NT5E: variants seen among roughly 807,000 people sequenced by gnomAD.
The protein encoded by NT5E is 5'-nucleotidase ecto.
Under a neutral mutation model 55.1 loss-of-function variants are expected in NT5E, and 53 were observed. The ratio of observed to expected loss-of-function variants is 0.96; its 90% CI spans 0.77 to 1.21. The LOEUF is 1.21. Ranked by LOEUF, NT5E falls within the 50% of genes most tolerant of loss-of-function variation. The pLI is 0.00. For missense variants in NT5E, 683 were observed against 724.3 expected (o/e 0.94, Z 0.65); for synonymous variants, 270 against 278.4 (o/e 0.97, Z 0.30).
At chr6:85,473,381 T>C (rs1438682775) in intron 3 of NT5E, among the ~76,000 whole-genome samples, 3 of 152,152 alleles carry the variant, frequency 2.0e-5, no homozygotes, top group Non-Finnish European at 2.9e-5. Context: ...TGTTAGCTGT[T>C]CTTATTTTAG....
In NT5E at chr6:85,450,154, C is replaced by T. The variant is rs967242766; in HGVS notation, c.15C>T (p.Ala5=). The T allele has an allele frequency of 4.4e-6, 7 of 1,586,254 alleles. No homozygotes were observed. The highest frequency in any genetic ancestry group is 6.0e-6 in the Non-Finnish European group (7 of 1,168,890). Residue 5 remains alanine (A), a synonymous_variant, in exon 1 of 9, where the codon GCC becomes GCT. Transcript: ENST00000257770. This position sits in a 1 kb window ranked among gnomAD's most constrained non-coding sequence, Gnocchi z 4.0. MCPR[A]ARAPATLLLA... is the part of the protein sequence containing the mutation. ...GCGCCACAGCTATGTGTCCCCGAGC[C>T]GCGCGGGCGCCCGCGACGCTACTCC... is the stretch of plus-strand genomic sequence containing the variant.
At chr6:85,452,292 A>G (rs1357060027) in intron 1 of NT5E, among the ~76,000 whole-genome samples, 1 of 152,182 alleles carries the variant, frequency 6.6e-6, no homozygotes, top group African/African-American at 2.4e-5. Flanking sequence ...AATTGTGTGA[A>G]CCCTTTTTAG....
At position 85,489,225 on chromosome 6, in the gene NT5E, C is replaced by T. The variant is rs540071258; in HGVS notation, c.1105-269C>T. ...AGGCCCAGTCCCGACACCAGGGCTA[C>T]AACCGAGAGACCATTTTGCTAAGGC... On this transcript the variant is annotated intron_variant, in intron 5 of 8. Coordinates refer to ENST00000257770, the MANE Select transcript of NT5E (RefSeq NM_002526.4). Among the ~76,000 whole-genome samples the T allele has an allele frequency of 3.9e-5, 6 of 152,298 alleles. No homozygotes were observed. In the East Asian group the frequency reaches 1.2e-3, roughly 29 times the overall value.
At chr6:85,463,915 G>A (rs879361287) in intron 1 of NT5E, among the ~76,000 whole-genome samples, 2 of 152,086 alleles carry the variant, frequency 1.3e-5, no homozygotes, top group Non-Finnish European at 2.9e-5. Context: ...TAATTTCTGT[G>A]GAAAAGTTAG....
chr6:85,483,304 A>G (rs1769585775), intron 3 of NT5E, among the ~76,000 whole-genome samples: 1 of 152,242 alleles, frequency 6.6e-6, no homozygotes, highest in South Asian at 2.1e-4. Flanking sequence ...GCACCGCCCC[A>G]GCATCTATGA....
Position 85,493,994 on chromosome 6 carries a change from T to C in NT5E, c.1715T>C (p.Leu572Ser). The change falls in exon 9 of 9, where the codon TTA becomes TCA. Residue 572 changes from leucine (L) to serine (S), a missense_variant. Physicochemically the swap from Leu to Ser is moderately radical, Grantham distance 145. Coordinates refer to ENST00000257770, the MANE Select transcript of NT5E (RefSeq NM_002526.4). ...TCACTTTGGGCAGTGATCTTTGTTT[T>C]ATACCAATAGCCAAAAATTCTCCTT... Reference protein sequence around the residue: ...FLSLWAVIFVLYQ With the variant: ...FLSLWAVIFVSYQ The C allele has an allele frequency of 6.2e-7, 1 of 1,614,004 alleles. No homozygotes were observed. The highest frequency in any genetic ancestry group is 1.3e-5 in the African/African-American group (1 of 75,060).
intron 1 of NT5E, among the ~76,000 whole-genome samples, chr6:85,456,132 C>G (rs1343804050): frequency 3.9e-5 from 6 of 152,154 alleles, no homozygotes; most frequent in Non-Finnish European, 2.9e-5. Context: ...CACGATAAAC[C>G]TTCATGAAGA....
chr6:85,483,868 GA>G (rs1177105673), intron 3 of NT5E, among the ~76,000 whole-genome samples: 1 of 151,836 alleles, frequency 6.6e-6, no homozygotes, highest in African/African-American at 2.4e-5. Flanking sequence ...GACTTTAGGG[GA>G]AAAAAAATAC....
chr6:85,462,452 G>T (rs561150068), intron 1 of NT5E, among the ~76,000 whole-genome samples: 168 of 152,210 alleles, frequency 1.1e-3, no homozygotes, highest in African/African-American at 3.7e-3. Flanking sequence ...TGGATGCCAT[G>T]AGCTGCTTAT....
At chr6:85,460,261 A>G (rs2127754879) in intron 1 of NT5E, among the ~76,000 whole-genome samples, 1 of 152,296 alleles carries the variant, frequency 6.6e-6, no homozygotes, top group Middle Eastern at 3.4e-3. Context: ...GTCCCTAAGA[A>G]GAGAGAAGTC....
intron 1 of NT5E, among the ~76,000 whole-genome samples, chr6:85,463,619 A>G (rs1214199015): frequency 2.0e-5 from 3 of 152,218 alleles, no homozygotes; most frequent in African/African-American, 4.8e-5. Context: ...TCTCTGCTCT[A>G]TGTTCTTCTC....
At chr6:85,456,811 G>T (rs1000241264) in intron 1 of NT5E, among the ~76,000 whole-genome samples, 1 of 152,182 alleles carries the variant, frequency 6.6e-6, no homozygotes, top group African/African-American at 2.4e-5. Flanking sequence ...AAACGTGGGG[G>T]TGAGACTGGG....
intron 3 of NT5E, 114 bp from the exon 4 acceptor site, chr6:85,485,121 C>A: frequency 1.0e-6 from 1 of 998,646 alleles, no homozygotes; most frequent in Non-Finnish European, 1.5e-6. Flanking sequence ...TGTAGAGCAA[C>A]AGATGGCAAA....
At position 85,450,629 on chromosome 6, in the gene NT5E, G is replaced by A. The variant is rs181172270; in HGVS notation, c.339+151G>A. 4.0e-6 allele frequency: 3 copies of A among 751,684 alleles called. No individual in the cohort carries two copies. The East Asian group carries it at 8.1e-5, about 20-fold the overall frequency. 46.6% of individuals were successfully genotyped at this position (751,684 alleles called of 1,614,324 possible). A position where few individuals can be genotyped will look rare whatever the true frequency, so the allele number is the denominator to read the frequency against. On this transcript the variant is annotated intron_variant, in intron 1 of 8. Coordinates refer to ENST00000257770, the MANE Select transcript of NT5E (RefSeq NM_002526.4). This position sits in a 1 kb window ranked among gnomAD's most constrained non-coding sequence, Gnocchi z 4.0. ...GAGACTCCGGCCAGTGTGCCAGCTGGATGCATAGAAGTCCCTTGGACGATT... is the reference window on the plus strand; with the variant it reads ...GAGACTCCGGCCAGTGTGCCAGCTGAATGCATAGAAGTCCCTTGGACGATT...
intron 3 of NT5E, among the ~76,000 whole-genome samples, chr6:85,475,346 A>G (rs1250321539): frequency 6.6e-6 from 1 of 152,192 alleles, no homozygotes; most frequent in Admixed American, 6.5e-5. Context: ...GCTTCAAATA[A>G]GGCATGACTA....
At chr6:85,477,235 G>A (rs1174560967) in intron 3 of NT5E, among the ~76,000 whole-genome samples, 10 of 152,134 alleles carry the variant, frequency 6.6e-5, no homozygotes, top group Non-Finnish European at 1.3e-4. Context: ...ACCCTTGACT[G>A]TGTCGCGGCT....
intron 3 of NT5E, among the ~76,000 whole-genome samples, chr6:85,472,650 A>C (rs751787298): frequency 1.3e-5 from 2 of 152,226 alleles, no homozygotes; most frequent in Non-Finnish European, 2.9e-5. Flanking sequence ...ATGTGAAAGC[A>C]GTTTATAAAC....
intron 4 of NT5E, among the ~76,000 whole-genome samples, chr6:85,486,315 A>G (rs189609880): frequency 2.0e-5 from 3 of 152,346 alleles, no homozygotes; most frequent in Non-Finnish European, 2.9e-5. Context: ...ATTAATCAGC[A>G]GTAACAATTG....
Position 85,485,311 on chromosome 6 carries a change from T to C in NT5E, c.828T>C (p.Pro276=). Residue 276 remains proline (P), a synonymous_variant, in exon 4 of 9, where the codon CCT becomes CCC. Transcript: ENST00000257770. ...CTTCTGATGATGGGCGGAAGGTTCC[T>C]GTAGTCCAGGCCTATGCTTTTGGCA... ...IVTSDDGRKV[P]VVQAYAFGKY... The C allele has an allele frequency of 1.2e-6, 2 of 1,614,196 alleles. No homozygotes were observed. Among genetic ancestry groups the C allele is most frequent in the Non-Finnish European group, 8.5e-7 (1 of 1,180,014 alleles).
Sources: allele counts gnomAD v4.1 joint callset (sites outside exome capture counted in the v4.1 genomes callset), GRCh38; gene constraint gnomAD v4.1.1; non-coding constraint Gnocchi (gnomAD v3.1); transcripts MANE v1.5; gene names NCBI Gene and HGNC (gene_info 2026-07-23, HGNC 2026-07-21).